KCNN3: variants seen among roughly 807,000 people sequenced by gnomAD.
KCNN3 encodes potassium calcium-activated channel subfamily N member 3.
In KCNN3, 16 loss-of-function variants were observed where a neutral mutation model predicts 62.9. That is an observed-to-expected ratio of 0.25 (90% CI 0.17 to 0.39). The LOEUF is 0.39. KCNN3 is among the 10% of genes least tolerant of loss of function. The pLI is 1.00. For missense variants in KCNN3, 599 were observed against 949.4 expected (o/e 0.63, Z 4.85); for synonymous variants, 370 against 389.2 (o/e 0.95, Z 0.58).
intron 5 of KCNN3, among the ~76,000 whole-genome samples, chr1:154,715,698 C>T (rs953881987): frequency 4.6e-5 from 7 of 151,952 alleles, no homozygotes; most frequent in Non-Finnish European, 1.0e-4. Flanking sequence ...GCTGCATGAG[C>T]GAGACCTTGA....
intron 1 of KCNN3, among the ~76,000 whole-genome samples, chr1:154,860,341 G>C (rs970411853): frequency 6.6e-6 from 1 of 152,136 alleles, no homozygotes; most frequent in African/African-American, 2.4e-5. Flanking sequence ...TTTCTGCCTG[G>C]TCATCGTGTG....
In KCNN3 at chr1:154,772,464, G is replaced by GC; in HGVS notation, c.1030-72_1030-71insG. The GC allele has an allele frequency of 3.3e-6, 5 of 1,514,062 alleles. No homozygotes were observed. The highest frequency in any genetic ancestry group is 1.2e-5 in the South Asian group (1 of 85,956). The allele number at this position is 1,514,062 out of a possible 1,614,324, so 93.8% of individuals were successfully genotyped here. ...CCACAGCAGGGTCCAGGCAGGACAG[G>GC]TGGGGCAGGCTGGGGCAGGCTGCTG... On this transcript the variant is annotated intron_variant, in intron 2 of 7. Coordinates refer to ENST00000271915, the MANE Select transcript of KCNN3 (RefSeq NM_002249.6). The surrounding 1 kb of genome is among the most constrained non-coding windows in gnomAD (Gnocchi z 5.6).
chr1:154,762,419 GA>G (rs1648060334), intron 3 of KCNN3, among the ~76,000 whole-genome samples: 2 of 152,190 alleles, frequency 1.3e-5, no homozygotes, highest in African/African-American at 4.8e-5. Context: ...TAGAGGGACT[GA>G]ATATGTGTTG....
intron 1 of KCNN3, among the ~76,000 whole-genome samples, chr1:154,865,091 G>A (rs932938478): frequency 6.6e-6 from 1 of 152,230 alleles, no homozygotes; most frequent in East Asian, 1.9e-4. Context: ...GGGGAAAGGG[G>A]AGGGCAGCCA....
At position 154,702,738 on chromosome 1, in the gene KCNN3, T is replaced by G. The variant is rs897590381; in HGVS notation, c.*5238A>C. 7.2e-6 allele frequency: 1 copy of G among 138,218 alleles called. No individual in the cohort carries two copies. The highest frequency in any genetic ancestry group is 7.3e-5 in the Admixed American group (1 of 13,704). The allele number at this position is 138,218 out of a possible 1,614,324, so 8.6% of individuals were successfully genotyped here. On this transcript the variant is annotated 3_prime_UTR_variant, in exon 8 of 8. Transcript: ENST00000271915. ...ATATATATATATATATATATATATA[T>G]ATATATATATGTACTTTTTCTTTTT...
At chr1:154,717,942 G>A (rs905816861) in intron 5 of KCNN3, among the ~76,000 whole-genome samples, 10 of 152,224 alleles carry the variant, frequency 6.6e-5, no homozygotes, top group African/African-American at 2.4e-4. Flanking sequence ...TGTTGGGGTC[G>A]GGAGCACATG....
At chr1:154,712,566 T>G (rs1254976461) in intron 7 of KCNN3, among the ~76,000 whole-genome samples, 2 of 152,092 alleles carry the variant, frequency 1.3e-5, no homozygotes, top group East Asian at 3.9e-4. Flanking sequence ...CAAAGGGTGC[T>G]TAATGTGCCT....
chr1:154,708,293 G>A, intron 7 of KCNN3, 21 bp from the exon 8 acceptor site: 4 of 1,610,432 alleles, frequency 2.5e-6, no homozygotes, highest in Non-Finnish European at 3.4e-6. Context: ...AGAGAGAGGC[G>A]AGAGACAGGG....
chr1:154,753,863 G>A (rs1647505532), intron 3 of KCNN3, among the ~76,000 whole-genome samples: 1 of 152,180 alleles, frequency 6.6e-6, no homozygotes, highest in East Asian at 1.9e-4. Flanking sequence ...GAAAGGAAAG[G>A]GCTCAGGGTT....
chr1:154,748,975 C>A (rs1010407477), intron 3 of KCNN3, among the ~76,000 whole-genome samples: 1 of 152,114 alleles, frequency 6.6e-6, no homozygotes, highest in Non-Finnish European at 1.5e-5. Flanking sequence ...ATCCACAGCC[C>A]TGTCTTTGAC....
chr1:154,802,348 C>T (rs1557983558), intron 2 of KCNN3, among the ~76,000 whole-genome samples: 1 of 152,310 alleles, frequency 6.6e-6, no homozygotes, highest in South Asian at 2.1e-4. Flanking sequence ...CAAGCCACTA[C>T]CCCGCACCCA....
intron 3 of KCNN3, among the ~76,000 whole-genome samples, chr1:154,738,204 T>A (rs544002818): frequency 6.6e-6 from 1 of 152,162 alleles, no homozygotes; most frequent in East Asian, 1.9e-4. Flanking sequence ...AAGGAGACAA[T>A]CCTACAGAGC....
chr1:154,735,356 C>T (rs775939198), intron 3 of KCNN3, among the ~76,000 whole-genome samples: 14 of 152,182 alleles, frequency 9.2e-5, no homozygotes, highest in Non-Finnish European at 1.5e-4. Context: ...GGTGGCACAG[C>T]ATTAGCCTTT....
chr1:154,744,296 A>G (rs1571231403), intron 3 of KCNN3, among the ~76,000 whole-genome samples: 1 of 152,362 alleles, frequency 6.6e-6, no homozygotes, highest in Admixed American at 6.5e-5. Context: ...CCAGCAGGAT[A>G]AGAGCTGTTA....
intron 1 of KCNN3, among the ~76,000 whole-genome samples, chr1:154,842,636 C>G (rs895402120): frequency 2.7e-4 from 4 of 14,684 alleles, no homozygotes; most frequent in East Asian, 2.2e-3. Context: ...GGGACCCCCC[C>G]CCCGCCACCA....
Position 154,866,380 on chromosome 1 carries a change from G to A in KCNN3, c.933+2652C>T, listed in dbSNP as rs147896754. Among the ~76,000 whole-genome samples, 131 of 152,220 alleles carry A rather than the reference G, an allele frequency of 8.6e-4. 1 individual carries two copies. The highest frequency in any genetic ancestry group is 5.0e-3 in the South Asian group (24 of 4,816). On this transcript the variant is annotated intron_variant, in intron 1 of 7. Coordinates refer to ENST00000271915, the MANE Select transcript of KCNN3 (RefSeq NM_002249.6). ...GAGCAGGCAGATACGTGCCTTACAC[G>A]TCTCTAATTTAATTCTCCCTACTCG...
At chr1:154,841,363 T>C (rs1651822393) in intron 1 of KCNN3, among the ~76,000 whole-genome samples, 1 of 152,190 alleles carries the variant, frequency 6.6e-6, no homozygotes, top group South Asian at 2.1e-4. Context: ...CACATTAGTA[T>C]CACCCAGGGA....
chr1:154,842,037 C>G (rs886248157), intron 1 of KCNN3, among the ~76,000 whole-genome samples: 6 of 152,178 alleles, frequency 3.9e-5, no homozygotes, highest in African/African-American at 1.4e-4. Flanking sequence ...GAGGGCGAGC[C>G]CAGGGTAAGG....
chr1:154,785,580 T>C (rs145182669), intron 2 of KCNN3, among the ~76,000 whole-genome samples: 870 of 85,642 alleles, frequency 0.01, 29 homozygotes, highest in Middle Eastern at 0.019. Context: ...TTCTTTTTTT[T>C]TTTTTTTTTT....
Sources: allele counts gnomAD v4.1 joint callset (sites outside exome capture counted in the v4.1 genomes callset), GRCh38; gene constraint gnomAD v4.1.1; non-coding constraint Gnocchi (gnomAD v3.1); transcripts MANE v1.5; gene names NCBI Gene and HGNC (gene_info 2026-07-23, HGNC 2026-07-21).